Variants in INSYN2A observed in about 807,000 individuals in gnomAD.
INSYN2A encodes inhibitory synaptic factor 2A.
INSYN2A carries 17 observed loss-of-function variants against 39.4 expected under a neutral mutation model. That is an observed-to-expected ratio of 0.43 (90% CI 0.30 to 0.65). INSYN2A has a LOEUF of 0.65. INSYN2A is among the 30% of genes least tolerant of loss of function. INSYN2A has a pLI of 0.14. For missense variants in INSYN2A, 595 were observed against 631.2 expected (o/e 0.94, Z 0.61); for synonymous variants, 255 against 265.7 (o/e 0.96, Z 0.39).
chr10:127,188,174 A>G (rs2056450325), intron 2 of INSYN2A, among the ~76,000 whole-genome samples: 1 of 152,186 alleles, frequency 6.6e-6, no homozygotes, highest in South Asian at 2.1e-4. Flanking sequence ...ACAGGCCCAC[A>G]GAGTGTCTGT....
At chr10:127,165,432 G>C (rs897226531) in intron 4 of INSYN2A, among the ~76,000 whole-genome samples, 2 of 152,164 alleles carry the variant, frequency 1.3e-5, no homozygotes, top group African/African-American at 4.8e-5. Flanking sequence ...GACTTTGCTA[G>C]GGGGATAACC....
rs549935946 is a variant in INSYN2A at position 127,175,863 on chromosome 10, T to C, written c.533A>G (p.Asn178Ser). ...CTGGTCCACTGTGTTCATGTGTTGG[T>C]TGGAATGGAAAACCAAGGCTGTGGT... ...HKTTALVFHS[N>S]QHMNTVDQPL... The change falls in exon 4 of 6, where the codon AAC (asparagine) becomes AGC (serine). Residue 178 changes from asparagine (N) to serine (S), a missense_variant. Asn to Ser is a conservative substitution (Grantham distance 46, BLOSUM62 1). Transcript: ENST00000522781. The surrounding 1 kb of genome is among the most constrained non-coding windows in gnomAD (Gnocchi z 6.3). 11 of 1,614,116 alleles carry C rather than the reference T, an allele frequency of 6.8e-6. No individual in the cohort carries two copies. The East Asian group carries it at 2.0e-4, about 29-fold the overall frequency.
rs1348048736 is a variant in INSYN2A, at chr10:127,175,603, C to A, written c.793G>T (p.Ala265Ser). 6.2e-7 allele frequency: 1 copy of A among 1,612,492 alleles called. No individual in the cohort carries two copies. The highest frequency in any genetic ancestry group is 8.5e-7 in the Non-Finnish European group (1 of 1,179,896). Residue 265 changes from alanine to serine, a missense_variant, in exon 4 of 6, where the codon GCC becomes TCC. Physicochemically the swap from Ala to Ser is moderately conservative, Grantham distance 99 (BLOSUM62 1). Around this residue, in one of 2 missense-constraint regions of INSYN2A, gnomAD observed 478 missense variants for 467.4 expected, o/e 1.02. Coordinates refer to ENST00000522781, the MANE Select transcript of INSYN2A (RefSeq NM_001039762.3). The surrounding 1 kb of genome is among the most constrained non-coding windows in gnomAD (Gnocchi z 6.3). The part of the protein sequence containing the change: ...TVYAPALSAR[A>S]PEPGLSDSAA... The stretch of plus-strand genomic sequence containing the variant: ...GAGTCTGACAAACCAGGCTCGGGGG[C>A]CCTGGCACTGAGGGCAGGTGCGTAA...
chr10:127,142,399 G>T (rs2051349997), intron 5 of INSYN2A, among the ~76,000 whole-genome samples: 1 of 152,148 alleles, frequency 6.6e-6, no homozygotes, highest in Non-Finnish European at 1.5e-5. Flanking sequence ...CCCTCCTGCT[G>T]GAGGGATCTG....
At chr10:127,168,238 A>C (rs2133793368) in intron 4 of INSYN2A, among the ~76,000 whole-genome samples, 1 of 152,352 alleles carries the variant, frequency 6.6e-6, no homozygotes, top group Non-Finnish European at 1.5e-5. Context: ...GGCTGACCTC[A>C]GCCAGCTGGC....
chr10:127,183,552 G>C (rs1336652623), intron 2 of INSYN2A, among the ~76,000 whole-genome samples: 1 of 152,142 alleles, frequency 6.6e-6, no homozygotes, highest in Admixed American at 6.5e-5. Context: ...AAAATAACCT[G>C]CACTTGGGGT....
At position 127,175,487 on chromosome 10, in the gene INSYN2A, A is replaced by G. The variant is rs2055008755; in HGVS notation, c.909T>C (p.Thr303=). The G allele has an allele frequency of 1.2e-6, 2 of 1,608,920 alleles. No homozygotes were observed. Among genetic ancestry groups the G allele is most frequent in the East Asian group, 4.5e-5 (2 of 44,878 alleles). ...HLNGLQAPSE[T]ALACSPPMQC... ...GCATCGGGGGTGAGCAGGCCAGGGC[A>G]GTTTCCGAGGGCGCCTGGAGCCCGT... Residue 303 remains threonine, a synonymous_variant, in exon 4 of 6, where the codon ACT becomes ACC. Transcript: ENST00000522781. The surrounding 1 kb of genome is among the most constrained non-coding windows in gnomAD (Gnocchi z 6.3).
intron 5 of INSYN2A, among the ~76,000 whole-genome samples, chr10:127,143,613 A>G (rs2051488998): frequency 6.6e-6 from 1 of 152,168 alleles, no homozygotes; most frequent in Non-Finnish European, 1.5e-5. Context: ...CCAAAGCACA[A>G]CAATTTATGT....
At chr10:127,174,704 A>G (rs1468997695) in intron 4 of INSYN2A, among the ~76,000 whole-genome samples, 1 of 152,162 alleles carries the variant, frequency 6.6e-6, no homozygotes, top group East Asian at 1.9e-4. Context: ...CTATGATGTA[A>G]AGCCTTGTAC....
intron 2 of INSYN2A, among the ~76,000 whole-genome samples, chr10:127,185,256 C>T (rs530506011): frequency 1.2e-4 from 18 of 152,260 alleles, no homozygotes; most frequent in Admixed American, 2.6e-4. Flanking sequence ...TGGCCAGGCA[C>T]GGTGGCTCAT....
At chr10:127,148,469 A>C (rs1484689427) in intron 5 of INSYN2A, among the ~76,000 whole-genome samples, 1 of 152,188 alleles carries the variant, frequency 6.6e-6, no homozygotes, top group African/African-American at 2.4e-5. Flanking sequence ...CAGTTGGTCC[A>C]TGTTATTTTC....
intron 4 of INSYN2A, among the ~76,000 whole-genome samples, chr10:127,165,615 T>C (rs1245205767): frequency 6.6e-6 from 1 of 152,176 alleles, no homozygotes; most frequent in East Asian, 1.9e-4. Context: ...CAGTATCAAA[T>C]GTTTGTTGTT....
intron 4 of INSYN2A, among the ~76,000 whole-genome samples, chr10:127,160,984 AT>A (rs2053546641): frequency 6.6e-6 from 1 of 152,218 alleles, no homozygotes; most frequent in Admixed American, 6.5e-5. Context: ...GCATAAAATG[AT>A]ACCACCACTA....
intron 4 of INSYN2A, among the ~76,000 whole-genome samples, chr10:127,161,997 G>T (rs1254008203): frequency 6.6e-6 from 1 of 152,192 alleles, no homozygotes; most frequent in Non-Finnish European, 1.5e-5. Context: ...TTCTGCTCAG[G>T]ACGTTGATGA....
intron 4 of INSYN2A, among the ~76,000 whole-genome samples, chr10:127,157,952 T>C (rs1040867847): frequency 2.4e-4 from 37 of 152,238 alleles, no homozygotes; most frequent in Admixed American, 2.4e-3. Flanking sequence ...TGCTAAAATT[T>C]TATTAAGCAC....
chr10:127,185,228 G>A (rs2056117315), intron 2 of INSYN2A, among the ~76,000 whole-genome samples: 1 of 151,976 alleles, frequency 6.6e-6, no homozygotes, highest in African/African-American at 2.4e-5. Flanking sequence ...TTACTTACTG[G>A]TTTAAGAATC....
At chr10:127,170,345 C>T (rs1186118332) in intron 4 of INSYN2A, among the ~76,000 whole-genome samples, 1 of 152,198 alleles carries the variant, frequency 6.6e-6, no homozygotes, top group Non-Finnish European at 1.5e-5. Context: ...TCTCCCCCTA[C>T]CCCAAGCCTG....
intron 4 of INSYN2A, among the ~76,000 whole-genome samples, chr10:127,158,874 A>C (rs2053331147): frequency 6.6e-6 from 1 of 152,158 alleles, no homozygotes; most frequent in Admixed American, 6.5e-5. Context: ...ACAGTGTTAA[A>C]AGTCCAAGGA....
At chr10:127,140,740 C>T (rs1272519142) in intron 5 of INSYN2A, among the ~76,000 whole-genome samples, 1 of 151,990 alleles carries the variant, frequency 6.6e-6, no homozygotes, top group African/African-American at 2.4e-5. Context: ...CTGGCCAACT[C>T]TGGCTGACAT....
Sources: allele counts gnomAD v4.1 joint callset (sites outside exome capture counted in the v4.1 genomes callset), GRCh38; gene constraint gnomAD v4.1.1; regional missense constraint gnomAD v4.1.1; non-coding constraint Gnocchi (gnomAD v3.1); transcripts MANE v1.5; gene names NCBI Gene and HGNC (gene_info 2026-07-23, HGNC 2026-07-21).